The following FUT8 variants were observed in gnomAD, a reference collection of about 807,000 sequenced individuals.
FUT8 encodes alpha-(1,6)-fucosyltransferase.
A neutral mutation model predicts 71.3 loss-of-function variants in FUT8; 29 were observed. The observed-to-expected ratio is 0.41, with a 90% confidence interval of 0.30 to 0.55. FUT8 has a LOEUF of 0.55. FUT8 is among the 20% of genes least tolerant of loss of function. FUT8 has a pLI of 0.34. For missense variants in FUT8, 544 were observed against 702.1 expected (o/e 0.77, Z 2.55); for synonymous variants, 254 against 239.3 (o/e 1.06, Z -0.57).
chr14:65,458,978 G>T (rs2065934656), intron 2 of FUT8, among the ~76,000 whole-genome samples: 1 of 151,948 alleles, frequency 6.6e-6, no homozygotes, highest in Admixed American at 6.6e-5. Context: ...TAGAAGAGAT[G>T]GGGTTTCACC....
intron 7 of FUT8, among the ~76,000 whole-genome samples, chr14:65,670,328 A>T (rs1371318505): frequency 6.6e-6 from 1 of 152,142 alleles, no homozygotes; most frequent in Non-Finnish European, 1.5e-5. Context: ...TAGTTTCCTT[A>T]TCAGTAAAAT....
intron 6 of FUT8, among the ~76,000 whole-genome samples, chr14:65,650,823 T>A: frequency 6.6e-6 from 1 of 152,112 alleles, no homozygotes; most frequent in East Asian, 1.9e-4. Context: ...ACTAGAGGCC[T>A]GCAGCTAGAA....
intron 1 of FUT8, among the ~76,000 whole-genome samples, chr14:65,450,238 C>T (rs1261580619): frequency 6.6e-6 from 1 of 152,166 alleles, no homozygotes; most frequent in African/African-American, 2.4e-5. Flanking sequence ...ATGACTGACT[C>T]TGTTCAATAT....
At chr14:65,606,144 C>T (rs1237648286) in intron 3 of FUT8, among the ~76,000 whole-genome samples, 1 of 148,324 alleles carries the variant, frequency 6.7e-6, no homozygotes, top group African/African-American at 2.5e-5. Flanking sequence ...GCGATCTCAG[C>T]TTACTGCAAC....
chr14:65,696,235 T>C lies in FUT8; in HGVS notation c.836-25540T>C, dbSNP rs961684120. 4.6e-5 allele frequency among the ~76,000 whole-genome samples: 7 copies of C among 152,316 alleles called. No individual in the cohort carries two copies. The South Asian group carries it at 1.4e-3, about 32-fold the overall frequency. On this transcript the variant is annotated intron_variant, in intron 7 of 10. Transcript: ENST00000673929. ...TATGATCTATATAATTTTCCTTCTC[T>C]CTGAAGCTAGCAACAAATTTCCTGT...
rs1249195612 is a variant in FUT8 at position 65,467,119 on chromosome 14, T to C, written c.-228+11401T>C. On this transcript the variant is annotated intron_variant, in intron 2 of 10. Coordinates refer to ENST00000673929, the MANE Select transcript of FUT8 (RefSeq NM_001371533.1). The surrounding 1 kb of genome is among the most constrained non-coding windows in gnomAD (Gnocchi z 4.1). ...TATTTCTGATCTATATAATTTTCCT[T>C]CTTTCTGAATAACTTCTGTTAACAT... 6.6e-6 allele frequency among the ~76,000 whole-genome samples: 1 copy of C among 152,198 alleles called. No individual in the cohort carries two copies. Among genetic ancestry groups the C allele is most frequent in the Non-Finnish European group, 1.5e-5 (1 of 68,040 alleles).
At chr14:65,543,308 C>CTAATT (rs1397985604) in intron 2 of FUT8, among the ~76,000 whole-genome samples, 1 of 151,842 alleles carries the variant, frequency 6.6e-6, no homozygotes, top group East Asian at 1.9e-4. Context: ...TCTTATAAGG[C>CTAATT]CTGATTTAAT....
intron 3 of FUT8, among the ~76,000 whole-genome samples, chr14:65,606,963 T>C (rs894541509): frequency 6.6e-6 from 1 of 151,920 alleles, no homozygotes; most frequent in African/African-American, 2.4e-5. Context: ...CTTGAAAGAT[T>C]ATGATTCTGC....
At chr14:65,519,746 A>G (rs1385305469) in intron 2 of FUT8, among the ~76,000 whole-genome samples, 1 of 152,082 alleles carries the variant, frequency 6.6e-6, no homozygotes, top group Non-Finnish European at 1.5e-5. Context: ...GATACTCAAC[A>G]TTTACCTTTA....
intron 1 of FUT8, among the ~76,000 whole-genome samples, chr14:65,430,046 G>T (rs1444283299): frequency 6.7e-6 from 1 of 150,292 alleles, no homozygotes; most frequent in Non-Finnish European, 1.5e-5. Context: ...TTGAGACAGG[G>T]TATCACTCTG....
chr14:65,449,431 T>A (rs569833827), intron 1 of FUT8, among the ~76,000 whole-genome samples: 6 of 152,312 alleles, frequency 3.9e-5, no homozygotes, highest in African/African-American at 1.4e-4. Flanking sequence ...ACTATTTTTC[T>A]TTTTGCCAAA....
chr14:65,553,677 C>T (rs1388507067), intron 2 of FUT8, among the ~76,000 whole-genome samples: 31 of 151,244 alleles, frequency 2.0e-4, no homozygotes, highest in Non-Finnish European at 7.4e-5. Context: ...TCATTTTATC[C>T]AGTGAAAGGT....
intron 2 of FUT8, among the ~76,000 whole-genome samples, chr14:65,523,901 C>T (rs1459270568): frequency 3.3e-5 from 5 of 152,154 alleles, no homozygotes; most frequent in Non-Finnish European, 7.3e-5. Context: ...GGTATTATTT[C>T]TGAGGGCTCT....
At chr14:65,563,852 T>G (rs1886046973) in intron 3 of FUT8, among the ~76,000 whole-genome samples, 1 of 152,068 alleles carries the variant, frequency 6.6e-6, no homozygotes, top group Non-Finnish European at 1.5e-5. Context: ...CTTTATATTC[T>G]TATATGTTGA....
intron 3 of FUT8, among the ~76,000 whole-genome samples, chr14:65,592,882 T>C (rs1018051115): frequency 1.3e-5 from 2 of 152,348 alleles, no homozygotes; most frequent in Non-Finnish European, 2.9e-5. Context: ...AATGCATCTT[T>C]CATTCAATAG....
rs144063777 is a variant in FUT8, at chr14:65,472,214, C to A, written c.-228+16496C>A. On this transcript the variant is annotated intron_variant, in intron 2 of 10. Coordinates refer to ENST00000673929, the MANE Select transcript of FUT8 (RefSeq NM_001371533.1). This position sits in a 1 kb window ranked among gnomAD's most constrained non-coding sequence, Gnocchi z 4.4. ...ACTGATAGCAGAAGGCAAAGAGGTG[C>A]CAGCTTGTGCACAAAATGAGAGAGG... Among the ~76,000 whole-genome samples, 1 of 152,182 alleles carries A rather than the reference C, an allele frequency of 6.6e-6. No homozygotes were observed. The highest frequency in any genetic ancestry group is 1.5e-5 in the Non-Finnish European group (1 of 67,992).
intron 1 of FUT8, among the ~76,000 whole-genome samples, chr14:65,437,441 C>A (rs2065578680): frequency 6.6e-6 from 1 of 152,078 alleles, no homozygotes. Context: ...ATTATATTTT[C>A]TGTACTTGGG....
chr14:65,424,593 A>G (rs969581509), intron 1 of FUT8, among the ~76,000 whole-genome samples: 15 of 139,772 alleles, frequency 1.1e-4, no homozygotes, highest in African/African-American at 4.1e-4. Flanking sequence ...GCTGGAATGC[A>G]GTGGCACGAT....
chr14:65,512,078 C>A (rs1882382378), intron 2 of FUT8, among the ~76,000 whole-genome samples: 1 of 152,190 alleles, frequency 6.6e-6, no homozygotes, highest in African/African-American at 2.4e-5. Context: ...CAGCATGTTA[C>A]TGTACTGAAT....
Sources: allele counts gnomAD v4.1 joint callset (sites outside exome capture counted in the v4.1 genomes callset), GRCh38; gene constraint gnomAD v4.1.1; non-coding constraint Gnocchi (gnomAD v3.1); transcripts MANE v1.5; gene names NCBI Gene and HGNC (gene_info 2026-07-23, HGNC 2026-07-21).